Variants in GPBP1 observed in about 807,000 individuals in gnomAD.
GPBP1 encodes the protein vasculin.
In GPBP1, 13 loss-of-function variants were observed where a neutral mutation model predicts 56.5. That is an observed-to-expected ratio of 0.23 (90% CI 0.15 to 0.37). GPBP1 has a LOEUF of 0.37. GPBP1 is among the 10% of genes least tolerant of loss of function. The pLI, the probability that GPBP1 is intolerant of heterozygous loss-of-function variation, is 1.00. For missense variants in GPBP1, 477 were observed against 572.3 expected, an observed-to-expected ratio of 0.83 and a Z score of 1.70; for synonymous variants, 204 against 188.9, an observed-to-expected ratio of 1.08 and a Z score of -0.66.
intron 2 of GPBP1, among the ~76,000 whole-genome samples, chr5:57,181,977 A>G (rs959420227): frequency 2.6e-5 from 4 of 152,146 alleles, no homozygotes; most frequent in Non-Finnish European, 5.9e-5. Context: ...TAGTTTCTGC[A>G]TCTTTTTATA....
At chr5:57,191,504 A>G (rs1754522684) in intron 2 of GPBP1, among the ~76,000 whole-genome samples, 1 of 151,658 alleles carries the variant, frequency 6.6e-6, no homozygotes, top group Non-Finnish European at 1.5e-5. Flanking sequence ...AAGCCTTGAA[A>G]CCTAGGTAAT....
rs540162564 is a variant in GPBP1, at chr5:57,179,439, C to T, written c.-58+3039C>T. Among the ~76,000 whole-genome samples the T allele has an allele frequency of 1.2e-4, 19 of 152,318 alleles. 1 individual carries two copies. The South Asian group carries it at 2.3e-3, about 18-fold the overall frequency. ...TTGTAGCTCAGGCAACCTCGAACTC[C>T]TGGGGTTAAGGGTTCCTCCTGCCTT... On this transcript the variant is annotated intron_variant, in intron 2 of 11. Transcript: ENST00000506184.
chr5:57,194,444 A>G (rs1009387041), intron 2 of GPBP1, among the ~76,000 whole-genome samples: 16 of 152,208 alleles, frequency 1.1e-4, no homozygotes, highest in African/African-American at 3.1e-4. Context: ...AGGAGCACAT[A>G]TTTTGATAAA....
At chr5:57,180,349 C>G (rs1325467470) in intron 2 of GPBP1, among the ~76,000 whole-genome samples, 1 of 151,990 alleles carries the variant, frequency 6.6e-6, no homozygotes, top group Non-Finnish European at 1.5e-5. Flanking sequence ...CTCCTGACCT[C>G]AGGTCAGATG....
At chr5:57,215,635 T>A (rs1244045062) in intron 3 of GPBP1, among the ~76,000 whole-genome samples, 2 of 152,248 alleles carry the variant, frequency 1.3e-5, no homozygotes, top group East Asian at 1.9e-4. Flanking sequence ...GGCCTGTGAT[T>A]CAGCTTATTG....
chr5:57,251,594 CAGT>C (rs1444654914), intron 10 of GPBP1, among the ~76,000 whole-genome samples: 1 of 138,408 alleles, frequency 7.2e-6, no homozygotes, highest in Non-Finnish European at 1.5e-5. Context: ...TTTTTTTTAA[CAGT>C]AGGCTCTAGT....
intron 2 of GPBP1, among the ~76,000 whole-genome samples, chr5:57,191,840 G>A (rs1197572006): frequency 6.6e-6 from 1 of 152,150 alleles, no homozygotes; most frequent in Non-Finnish European, 1.5e-5. Flanking sequence ...GATTACAGGC[G>A]TGAGCCACCA....
At chr5:57,246,953 T>TA (rs1741118407) in intron 7 of GPBP1, 122 bp from the exon 8 acceptor site, 1 of 730,342 alleles carries the variant, frequency 1.4e-6, no homozygotes, top group Admixed American at 3.1e-5. Flanking sequence ...TGCAGTGTGA[T>TA]ACAAAAATAA....
chr5:57,229,498 C>T (rs1324404634), intron 3 of GPBP1, among the ~76,000 whole-genome samples: 1 of 81,040 alleles, frequency 1.2e-5, no homozygotes, highest in South Asian at 4.6e-4. Flanking sequence ...TTTCCTTTTC[C>T]TTTTTCCTTT....
chr5:57,262,531 ATTATT>A, intron 11 of GPBP1, 58 bp from the exon 12 acceptor site: 1 of 1,229,286 alleles, frequency 8.1e-7, no homozygotes, highest in South Asian at 1.3e-5. Flanking sequence ...TCATGCTTAT[ATTATT>A]ACAGTAGGTT....
At chr5:57,192,949 T>C (rs1049463897) in intron 2 of GPBP1, among the ~76,000 whole-genome samples, 1 of 152,114 alleles carries the variant, frequency 6.6e-6, no homozygotes, top group African/African-American at 2.4e-5. Flanking sequence ...TATAAACACT[T>C]ATTTTTCTTG....
At chr5:57,212,019 C>T (rs1282005939) in intron 2 of GPBP1, among the ~76,000 whole-genome samples, 2 of 152,190 alleles carry the variant, frequency 1.3e-5, no homozygotes, top group East Asian at 1.9e-4. Flanking sequence ...TCACTGCAAC[C>T]TCCACTTCCC....
chr5:57,237,014 G>T, intron 6 of GPBP1: 1 of 670,058 alleles, frequency 1.5e-6, no homozygotes. Flanking sequence ...AGGGCTTTTT[G>T]AGGGTGGGGG....
intron 8 of GPBP1, among the ~76,000 whole-genome samples, chr5:57,248,342 G>A (rs1451828307): frequency 2.6e-5 from 4 of 151,290 alleles, no homozygotes; most frequent in Non-Finnish European, 5.9e-5. Context: ...CCAGTCTAGT[G>A]TCAAAGGACA....
intron 2 of GPBP1, among the ~76,000 whole-genome samples, chr5:57,185,256 G>GTTTTTTTTT (rs1754233857): frequency 6.9e-6 from 1 of 144,852 alleles, no homozygotes. Flanking sequence ...CTTTGGTTAG[G>GTTTTTTTTT]TCTTTTTTTT....
chr5:57,207,494 G>C (rs531214158), intron 2 of GPBP1, among the ~76,000 whole-genome samples: 25 of 152,252 alleles, frequency 1.6e-4, no homozygotes, highest in Non-Finnish European at 3.1e-4. Flanking sequence ...CAGCACCTAG[G>C]GGTGAATGTT....
chr5:57,235,883 C>T, intron 5 of GPBP1, 83 bp from the exon 6 acceptor site: 2 of 930,356 alleles, frequency 2.1e-6, no homozygotes, highest in Non-Finnish European at 3.5e-6. Flanking sequence ...TTTGATTCAT[C>T]AGTTACAACA....
At chr5:57,257,548 G>A (rs1741719764) in intron 10 of GPBP1, among the ~76,000 whole-genome samples, 1 of 152,146 alleles carries the variant, frequency 6.6e-6, no homozygotes, top group Admixed American at 6.5e-5. Context: ...CAGAGGGTTT[G>A]GGGATAGAGA....
At chr5:57,207,259 C>A (rs112253615) in intron 2 of GPBP1, among the ~76,000 whole-genome samples, 1 of 152,068 alleles carries the variant, frequency 6.6e-6, no homozygotes, top group Non-Finnish European at 1.5e-5. Context: ...TGTTTAGGGC[C>A]CCTCGCACTT....
Sources: gnomAD v4.1 joint callset for allele counts (sites outside exome capture counted in the v4.1 genomes callset) on GRCh38, gnomAD v4.1.1 for gene constraint, MANE v1.5 for transcripts, NCBI Gene and HGNC (gene_info 2026-07-23, HGNC 2026-07-21) for gene names.